Variants in PHF24 observed in about 807,000 individuals in gnomAD.
The protein encoded by PHF24 is Galpha inhibitory interacting protein.
Under a neutral mutation model 42.6 loss-of-function variants are expected in PHF24, and 25 were observed. The ratio of observed to expected loss-of-function variants is 0.59; its 90% CI spans 0.43 to 0.82. The LOEUF (loss-of-function observed/expected upper bound fraction) is 0.82, where lower values mean the gene tolerates loss of function less well. PHF24 is among the 40% of genes least tolerant of loss of function. PHF24 has a pLI of 0.00. For synonymous variants in PHF24, 185 were observed against 204.8 expected (o/e 0.90, Z 0.83); for missense variants, 470 against 538.1 (o/e 0.87, Z 1.25).
exon 8 of PHF24, chr9:34,981,990 T>G (rs1167503437): frequency 2.0e-5 from 3 of 152,054 alleles, no homozygotes; most frequent in African/African-American, 7.2e-5. Context: ...TTGGCAACCT[T>G]GGAAAGAAAA....
chr9:34,950,053 AAAT>A, the PHF24 span, among the ~76,000 whole-genome samples: 7 of 152,302 alleles, frequency 4.6e-5, no homozygotes, highest in East Asian at 3.9e-4. Flanking sequence ...TTATGGTTAA[AAAT>A]AATAATAACC....
the PHF24 span, among the ~76,000 whole-genome samples, chr9:34,760,656 G>A: frequency 6.6e-5 from 10 of 152,152 alleles, no homozygotes; most frequent in Non-Finnish European, 1.3e-4. Context: ...AGGGCAGCAC[G>A]CCCCCACCCA....
chr9:34,751,506 T>C, the PHF24 span, among the ~76,000 whole-genome samples: 2 of 152,192 alleles, frequency 1.3e-5, no homozygotes, highest in Admixed American at 6.5e-5. Flanking sequence ...GATATGGCAA[T>C]TGTAAATATA....
the PHF24 span, among the ~76,000 whole-genome samples, chr9:34,901,221 A>G: frequency 1.3e-5 from 2 of 152,262 alleles, no homozygotes; most frequent in African/African-American, 4.8e-5. Flanking sequence ...TTTAAAGAGA[A>G]GAGAATACTT....
At chr9:34,724,290 C>T in the PHF24 span, 1 of 1,551,500 alleles carries the variant, frequency 6.4e-7, no homozygotes. Context: ...CCCTGGGGTA[C>T]AGCTTTGGAA....
the PHF24 span, among the ~76,000 whole-genome samples, chr9:34,887,805 A>C: frequency 2.6e-5 from 4 of 151,962 alleles, no homozygotes; most frequent in African/African-American, 9.7e-5. Flanking sequence ...CATGCTCCCA[A>C]CGTAAGTTCC....
exon 8 of PHF24, chr9:34,980,764 G>T (rs781112875): frequency 6.6e-6 from 1 of 152,224 alleles, no homozygotes; most frequent in Non-Finnish European, 1.5e-5. Flanking sequence ...TCTAATAAGG[G>T]TATGAGAAAA....
the PHF24 span, among the ~76,000 whole-genome samples, chr9:34,855,620 TA>T: frequency 6.6e-6 from 1 of 152,232 alleles, no homozygotes; most frequent in Admixed American, 6.5e-5. Flanking sequence ...TCTTCTGGCT[TA>T]TAGTGTTTCC....
At chr9:34,887,828 AT>A in the PHF24 span, among the ~76,000 whole-genome samples, 5 of 151,508 alleles carry the variant, frequency 3.3e-5, no homozygotes, top group East Asian at 1.9e-4. Context: ...GAGAGAGCAG[AT>A]TTTTTTTTCC....
the PHF24 span, among the ~76,000 whole-genome samples, chr9:34,881,170 A>G: frequency 6.6e-6 from 1 of 152,262 alleles, no homozygotes; most frequent in Non-Finnish European, 1.5e-5. Context: ...ATGAGAACAA[A>G]GACCCAACAT....
At chr9:34,920,518 T>C in the PHF24 span, among the ~76,000 whole-genome samples, 1 of 152,282 alleles carries the variant, frequency 6.6e-6, no homozygotes, top group South Asian at 2.1e-4. Flanking sequence ...TTTAAGATTA[T>C]TTTTTCTATT....
In PHF24 at chr9:34,971,365, G is replaced by T. The variant is rs1168240706; in HGVS notation, c.67G>T (p.Ala23Ser). Residue 23 changes from alanine to serine, a missense_variant, in exon 2 of 8, where the codon GCT (alanine) becomes TCT (serine). Transcript: ENST00000242315. Reference sequence around the variant, plus strand: ...GCAGAAGGTGAGTCTGGCTGTGTCTGCTTTCAAGGATGGGCTGCGGGACAG... The same window carrying T: ...GCAGAAGGTGAGTCTGGCTGTGTCTTCTTTCAAGGATGGGCTGCGGGACAG... The T allele has an allele frequency of 1.9e-6, 3 of 1,614,118 alleles. No homozygotes were observed. The African/African-American group carries it at 4.0e-5, about 22-fold the overall frequency.
chr9:34,946,719 C>T, the PHF24 span, among the ~76,000 whole-genome samples: 2 of 151,898 alleles, frequency 1.3e-5, no homozygotes, highest in Non-Finnish European at 2.9e-5. Context: ...ATTGGTCTTA[C>T]AAAGAGAAGG....
At chr9:34,710,466 CTTTTTTTTTT>C in the PHF24 span, among the ~76,000 whole-genome samples, 6 of 117,438 alleles carry the variant, frequency 5.1e-5, no homozygotes, top group African/African-American at 1.6e-4. Context: ...TGTAAGAGTT[CTTTTTTTTTT>C]TTTTTTTTTT....
At chr9:34,784,370 T>C in the PHF24 span, among the ~76,000 whole-genome samples, 2 of 152,206 alleles carry the variant, frequency 1.3e-5, no homozygotes, top group Non-Finnish European at 2.9e-5. Flanking sequence ...ATTTCAGAAT[T>C]TGCATAATAT....
chr9:34,774,050 C>G, the PHF24 span, among the ~76,000 whole-genome samples: 1 of 152,080 alleles, frequency 6.6e-6, no homozygotes, highest in African/African-American at 2.4e-5. Flanking sequence ...TGACTACATG[C>G]AAAAATGCAG....
At chr9:34,948,685 T>C in the PHF24 span, among the ~76,000 whole-genome samples, 1 of 152,190 alleles carries the variant, frequency 6.6e-6, no homozygotes, top group African/African-American at 2.4e-5. Flanking sequence ...GTACACTTTA[T>C]GATATTTGCA....
the PHF24 span, among the ~76,000 whole-genome samples, chr9:34,788,787 A>G: frequency 6.6e-6 from 1 of 152,218 alleles, no homozygotes; most frequent in Admixed American, 6.5e-5. Context: ...CCAAACATGC[A>G]TACTAGGTAT....
the PHF24 span, among the ~76,000 whole-genome samples, chr9:34,677,645 G>C: frequency 6.6e-6 from 1 of 152,052 alleles, no homozygotes; most frequent in African/African-American, 2.4e-5. Context: ...TGATCCACCC[G>C]CCTGGGCCTC....
Sources: allele counts gnomAD v4.1 joint callset (sites outside exome capture counted in the v4.1 genomes callset), GRCh38; gene constraint gnomAD v4.1.1; transcripts MANE v1.5; gene names NCBI Gene and HGNC (gene_info 2026-07-23, HGNC 2026-07-21).